The following FAM227B variants were observed in gnomAD, a reference collection of about 807,000 sequenced individuals.
The protein encoded by FAM227B is family with sequence similarity 227 member B, also known as protein FAM227B.
Under a neutral mutation model 73.8 loss-of-function variants are expected in FAM227B, and 88 were observed. The observed-to-expected ratio is 1.19, with a 90% CI of 1.00 to 1.42. The LOEUF (loss-of-function observed/expected upper bound fraction) is 1.42, where lower values mean the gene tolerates loss of function less well. Ranked by LOEUF, FAM227B falls within the 40% of genes most tolerant of loss-of-function variation. The pLI, the probability that FAM227B is intolerant of heterozygous loss-of-function variation, is 0.00. For synonymous variants in FAM227B, 210 were observed against 190.5 expected, an observed-to-expected ratio of 1.10 and a Z score of -0.84; for missense variants, 632 against 590.9, an observed-to-expected ratio of 1.07 and a Z score of -0.72.
At chr15:49,349,138 A>G (rs1184840433) in intron 13 of FAM227B, among the ~76,000 whole-genome samples, 1 of 152,214 alleles carries the variant, frequency 6.6e-6, no homozygotes, top group African/African-American at 2.4e-5. Context: ...TTTTATTAAA[A>G]GAAAATCCCT....
intron 11 of FAM227B, among the ~76,000 whole-genome samples, chr15:49,457,848 A>C (rs1487658850): frequency 6.6e-6 from 1 of 151,888 alleles, no homozygotes; most frequent in Non-Finnish European, 1.5e-5. Flanking sequence ...GAAAGCGTTC[A>C]TAATGATATA....
intron 11 of FAM227B, among the ~76,000 whole-genome samples, chr15:49,454,427 G>A (rs1318548903): frequency 1.3e-5 from 2 of 151,998 alleles, no homozygotes; most frequent in East Asian, 3.9e-4. Context: ...TATTTATTGA[G>A]TGCCTGCTCT....
chr15:49,567,159 G>C (rs2076672132), intron 9 of FAM227B, among the ~76,000 whole-genome samples: 1 of 152,128 alleles, frequency 6.6e-6, no homozygotes, highest in Non-Finnish European at 1.5e-5. Flanking sequence ...AATATGGGTA[G>C]CAGAAACAGC....
intron 11 of FAM227B, chr15:49,422,673 T>C (rs748246033): frequency 8.9e-7 from 1 of 1,121,390 alleles, no homozygotes; most frequent in South Asian, 1.3e-5. Context: ...TGGTCATTAG[T>C]GGTCCAACAC....
intron 3 of FAM227B, among the ~76,000 whole-genome samples, chr15:49,594,613 T>A (rs1221566469): frequency 6.6e-6 from 1 of 152,158 alleles, no homozygotes; most frequent in African/African-American, 2.4e-5. Context: ...TGGTGAGACA[T>A]GAGGATCCAG....
chr15:49,526,969 G>C (rs1479520729), intron 10 of FAM227B, among the ~76,000 whole-genome samples: 1 of 151,810 alleles, frequency 6.6e-6, no homozygotes, highest in Non-Finnish European at 1.5e-5. Context: ...TCAAAGAAGA[G>C]CTAGTTTCAA....
intron 13 of FAM227B, among the ~76,000 whole-genome samples, chr15:49,337,740 A>T (rs139722536): frequency 1.3e-5 from 2 of 151,468 alleles, no homozygotes; most frequent in Non-Finnish European, 2.9e-5. Flanking sequence ...TCATTGTTCA[A>T]TTCCCACTTA....
chr15:49,447,048 T>G (rs1392993110), intron 11 of FAM227B, among the ~76,000 whole-genome samples: 2 of 151,654 alleles, frequency 1.3e-5, no homozygotes, highest in East Asian at 3.9e-4. Flanking sequence ...ATAAATGGAC[T>G]GTGATTCTAC....
At chr15:49,328,917 A>T in intron 15 of FAM227B, 1 of 1,221,678 alleles carries the variant, frequency 8.2e-7, no homozygotes, top group African/African-American at 1.5e-5. Flanking sequence ...AAAAACTTAG[A>T]TAAAAAACAC....
At chr15:49,443,460 G>A (rs2151848143) in intron 11 of FAM227B, among the ~76,000 whole-genome samples, 1 of 151,572 alleles carries the variant, frequency 6.6e-6, no homozygotes, top group South Asian at 2.1e-4. Context: ...ACAAATCAGG[G>A]CTTGATTCAC....
chr15:49,426,800 C>T (rs1842625658), intron 11 of FAM227B, among the ~76,000 whole-genome samples: 4 of 151,940 alleles, frequency 2.6e-5, no homozygotes, highest in Admixed American at 6.6e-5. Flanking sequence ...ACAAGATACA[C>T]ATCATGTAAA....
intron 11 of FAM227B, among the ~76,000 whole-genome samples, chr15:49,460,268 T>A (rs1228796847): frequency 1.3e-5 from 2 of 152,160 alleles, no homozygotes; most frequent in African/African-American, 4.8e-5. Flanking sequence ...GCTGCACAAT[T>A]ACTTACATAG....
chr15:49,565,381 CAAAAA>C (rs3075974), intron 9 of FAM227B, among the ~76,000 whole-genome samples: 1 of 90,280 alleles, frequency 1.1e-5, no homozygotes. Context: ...GACTCCATCT[CAAAAA>C]AAAAAAAAAA....
chr15:49,516,816 C>T (rs1350797124), intron 10 of FAM227B, among the ~76,000 whole-genome samples: 1 of 151,986 alleles, frequency 6.6e-6, no homozygotes, highest in African/African-American at 2.4e-5. Context: ...TGCTAATTGG[C>T]TGACCATAAA....
chr15:49,609,571 T>C (rs533590590), intron 3 of FAM227B, among the ~76,000 whole-genome samples: 48 of 152,108 alleles, frequency 3.2e-4, no homozygotes, highest in African/African-American at 9.6e-4. Flanking sequence ...TCTTTGCTTG[T>C]TTTTATTCAC....
Position 49,327,762 on chromosome 15 carries a change from A to G in FAM227B, c.*806T>C. ...AAACCAGGGACTAGATTTAGATACAATGAAAAAATTCCAAATCACTCTCTG... is the reference window on the plus strand; with the variant it reads ...AAACCAGGGACTAGATTTAGATACAGTGAAAAAATTCCAAATCACTCTCTG... On this transcript the variant is annotated 3_prime_UTR_variant, in exon 16 of 16. Coordinates refer to ENST00000299338, the MANE Select transcript of FAM227B (RefSeq NM_152647.3). 1 of 495,572 alleles carries G rather than the reference A, an allele frequency of 2.0e-6. No individual in the cohort carries two copies. Among genetic ancestry groups the G allele is most frequent in the Non-Finnish European group, 3.5e-6 (1 of 288,810 alleles). 30.7% of individuals were successfully genotyped at this position (495,572 alleles called of 1,614,324 possible).
At chr15:49,367,715 T>A in intron 12 of FAM227B, 107 bp from the exon 13 acceptor site, 1 of 1,067,742 alleles carries the variant, frequency 9.4e-7, no homozygotes, top group Non-Finnish European at 1.3e-6. Flanking sequence ...TTTGATATAT[T>A]AAAATAAAGG....
At chr15:49,570,823 ATAT>A (rs1487412257) in intron 8 of FAM227B, among the ~76,000 whole-genome samples, 1 of 147,396 alleles carries the variant, frequency 6.8e-6, no homozygotes, top group Admixed American at 6.8e-5. Context: ...ATATATTTTT[ATAT>A]TATATATAAT....
intron 11 of FAM227B, among the ~76,000 whole-genome samples, chr15:49,437,165 ATATAT>A (rs1246949985): frequency 6.6e-6 from 1 of 151,578 alleles, no homozygotes; most frequent in Non-Finnish European, 1.5e-5. Context: ...CAGACACTAC[ATATAT>A]TATATATTAA....
Sources: allele counts gnomAD v4.1 joint callset (sites outside exome capture counted in the v4.1 genomes callset), GRCh38; gene constraint gnomAD v4.1.1; transcripts MANE v1.5; gene names NCBI Gene and HGNC (gene_info 2026-07-23, HGNC 2026-07-21).